Variants in SIPA1L3 observed in about 807,000 individuals in gnomAD.
SIPA1L3 encodes signal-induced proliferation-associated 1-like protein 3.
A neutral mutation model predicts 150.1 loss-of-function variants in SIPA1L3; 59 were observed. The observed-to-expected ratio is 0.39, with a 90% CI of 0.32 to 0.49. The LOEUF is 0.49. Among genes scored for constraint, SIPA1L3 ranks in the 20% least tolerant of loss-of-function variants. SIPA1L3 has a pLI of 0.86. For synonymous variants in SIPA1L3, 1,070 were observed against 1,077.6 expected (o/e 0.99, Z 0.14); for missense variants, 2,211 against 2,489.5 (o/e 0.89, Z 2.38).
At chr19:38,106,356 C>T (rs768055155) in intron 6 of SIPA1L3, 181 bp from the exon 7 acceptor site, 11 of 542,612 alleles carry the variant, frequency 2.0e-5, no homozygotes, top group Middle Eastern at 5.6e-4. Flanking sequence ...ATCCACCTGC[C>T]TCAGCCTCCC....
intron 12 of SIPA1L3, among the ~76,000 whole-genome samples, chr19:38,145,491 G>A (rs1454759529): frequency 2.0e-5 from 3 of 148,074 alleles, no homozygotes; most frequent in Non-Finnish European, 4.4e-5. Context: ...CAAGACTGTG[G>A]CACTGCACTC....
At chr19:38,057,050 C>A (rs1969332917) in intron 2 of SIPA1L3, among the ~76,000 whole-genome samples, 1 of 152,082 alleles carries the variant, frequency 6.6e-6, no homozygotes, top group South Asian at 2.1e-4. Context: ...GGTGGTGGAT[C>A]ACTTGAGGTC....
intron 1 of SIPA1L3, among the ~76,000 whole-genome samples, chr19:38,027,545 G>A (rs1968541632): frequency 6.6e-6 from 1 of 152,126 alleles, no homozygotes; most frequent in South Asian, 2.1e-4. Flanking sequence ...GGACATTATG[G>A]TATTGGGGAA....
intron 1 of SIPA1L3, among the ~76,000 whole-genome samples, chr19:37,949,849 C>T (rs1599831444): frequency 1.3e-5 from 2 of 152,106 alleles, no homozygotes; most frequent in East Asian, 3.9e-4. Context: ...GAGGCCAAGG[C>T]AGGCGGATCA....
At chr19:38,158,127 G>A (rs1971990858) in intron 13 of SIPA1L3, among the ~76,000 whole-genome samples, 1 of 152,106 alleles carries the variant, frequency 6.6e-6, no homozygotes, top group Non-Finnish European at 1.5e-5. Flanking sequence ...CAGCGGCTCG[G>A]GAGGCTGAGG....
intron 1 of SIPA1L3, among the ~76,000 whole-genome samples, chr19:37,961,169 CT>C (rs34465052): frequency 0.3 from 43,336 of 143,342 alleles, 7,672 homozygotes; most frequent in East Asian, 0.61. Flanking sequence ...GTGCCCAACC[CT>C]TTTTTTTTTT....
At chr19:37,956,727 G>A (rs1308697473) in intron 1 of SIPA1L3, among the ~76,000 whole-genome samples, 3 of 151,944 alleles carry the variant, frequency 2.0e-5, no homozygotes, top group Admixed American at 6.6e-5. Context: ...CAAGTGATCC[G>A]CCCACCTTGG....
intron 1 of SIPA1L3, among the ~76,000 whole-genome samples, chr19:37,908,313 T>G (rs1170017197): frequency 1.3e-5 from 2 of 152,160 alleles, no homozygotes; most frequent in Admixed American, 6.5e-5. Context: ...TTGTAAGGAT[T>G]TGCTGAGATT....
chr19:38,196,288 A>G (rs1972930606), intron 18 of SIPA1L3, among the ~76,000 whole-genome samples: 1 of 152,226 alleles, frequency 6.6e-6, no homozygotes, highest in South Asian at 2.1e-4. Context: ...CCAGCAGGCT[A>G]GAGGCACAGA....
At chr19:38,186,177 G>A (rs1004682419) in intron 16 of SIPA1L3, 4 of 152,220 alleles carry the variant, frequency 2.6e-5, no homozygotes, top group African/African-American at 9.6e-5. Context: ...TCCCAGTGAT[G>A]AAATCCAGAG....
intron 12 of SIPA1L3, among the ~76,000 whole-genome samples, chr19:38,152,379 T>C (rs989664119): frequency 3.3e-5 from 5 of 152,140 alleles, no homozygotes; most frequent in African/African-American, 1.2e-4. Flanking sequence ...ATGGTGAGCT[T>C]TGAAGCCCCA....
In SIPA1L3 at chr19:38,101,052, C is replaced by T; in HGVS notation, c.1855C>T (p.Leu619Phe). ...EQLLKLDEQG[L>F]CRKHKVGILY... ...CACAAAGCCACTCTTGCCTCTGCAG[C>T]TCTGCCGGAAGCACAAGGTGGGCAT... Residue 619 changes from leucine (L) to phenylalanine (F), a missense_variant and splice_region_variant, in exon 6 of 22, where the codon CTC becomes TTC. By Grantham distance (22) the Leu-to-Phe change is conservative. Around this residue, in one of 5 missense-constraint regions of SIPA1L3, gnomAD observed 625 missense variants for 804.2 expected, o/e 0.78. Coordinates refer to ENST00000222345, the MANE Select transcript of SIPA1L3 (RefSeq NM_015073.3). 1.7e-5 allele frequency: 26 copies of T among 1,549,958 alleles called. No individual in the cohort carries two copies. Among genetic ancestry groups the T allele is most frequent in the Non-Finnish European group, 2.3e-5 (26 of 1,147,230 alleles).
At chr19:38,178,955 T>C (rs1226760545) in intron 15 of SIPA1L3, among the ~76,000 whole-genome samples, 4 of 152,238 alleles carry the variant, frequency 2.6e-5, no homozygotes, top group Admixed American at 2.6e-4. Context: ...GTGGAAAGCA[T>C]TACATAGTTG....
At chr19:38,029,835 G>A (rs986612304) in intron 2 of SIPA1L3, among the ~76,000 whole-genome samples, 2 of 149,216 alleles carry the variant, frequency 1.3e-5, no homozygotes, top group East Asian at 2.0e-4. Flanking sequence ...CCGACCTCAG[G>A]TGAACTGCCC....
chr19:38,098,535 C>T (rs1970431241), intron 4 of SIPA1L3, among the ~76,000 whole-genome samples: 2 of 151,906 alleles, frequency 1.3e-5, no homozygotes, highest in South Asian at 2.1e-4. Flanking sequence ...GCTGAGATTA[C>T]AGGCATGCAC....
intron 1 of SIPA1L3, among the ~76,000 whole-genome samples, chr19:37,934,411 T>C (rs551549062): frequency 5.8e-4 from 88 of 152,276 alleles, no homozygotes; most frequent in African/African-American, 1.7e-3. Context: ...TTGAGGACTC[T>C]CCTATTACAC....
intron 15 of SIPA1L3, among the ~76,000 whole-genome samples, chr19:38,169,524 A>G (rs367733066): frequency 9.2e-5 from 14 of 152,256 alleles, no homozygotes; most frequent in African/African-American, 3.4e-4. Context: ...CAGTTTCCTC[A>G]TCTGTGAAAC....
intron 8 of SIPA1L3, among the ~76,000 whole-genome samples, chr19:38,118,485 T>C (rs1970940579): frequency 6.6e-6 from 1 of 152,206 alleles, no homozygotes; most frequent in African/African-American, 2.4e-5. Context: ...GGATTACCCT[T>C]TGATGTCAGA....
chr19:38,155,125 T>C lies in SIPA1L3; in HGVS notation c.3661+2158T>C, dbSNP rs745824947. On this transcript the variant is annotated intron_variant, in intron 13 of 21. Coordinates refer to ENST00000222345, the MANE Select transcript of SIPA1L3 (RefSeq NM_015073.3). ...CAAAATGACAAAGCATCTTATACTC[T>C]GTCTATCAACATGTGAGAGTTCTAG... Among the ~76,000 whole-genome samples, 91 of 152,366 alleles carry C rather than the reference T, an allele frequency of 6.0e-4. 3 individuals are homozygous for C. The highest frequency in any genetic ancestry group is 5.1e-3 in the Admixed American group (78 of 15,302).
Sources: allele counts gnomAD v4.1 joint callset (sites outside exome capture counted in the v4.1 genomes callset), GRCh38; gene constraint gnomAD v4.1.1; regional missense constraint gnomAD v4.1.1; transcripts MANE v1.5; gene names NCBI Gene and HGNC (gene_info 2026-07-23, HGNC 2026-07-21).